The following EYS variants were observed in gnomAD, a reference collection of about 807,000 sequenced individuals.
EYS encodes protein eyes shut homolog.
In EYS, 250 loss-of-function variants were observed where a neutral mutation model predicts 282.1. The observed-to-expected ratio is 0.89, with a 90% CI of 0.80 to 0.98. EYS has a LOEUF of 0.98. EYS is among the 50% of genes least tolerant of loss of function. The pLI, the probability that EYS is intolerant of heterozygous loss-of-function variation, is 0.00. For missense variants in EYS, 4,016 were observed against 3,709.0 expected (o/e 1.08, Z -2.15); for synonymous variants, 1,355 against 1,282.9 (o/e 1.06, Z -1.20).
intron 19 of EYS, among the ~76,000 whole-genome samples, chr6:64,836,880 G>T (rs7757780): frequency 0.017 from 2,598 of 151,554 alleles, 74 homozygotes; most frequent in African/African-American, 0.059. Flanking sequence ...TCAGTGGTTT[G>T]AAAAAAGTGA....
At chr6:65,318,737 G>A (rs1182204682) in intron 11 of EYS, among the ~76,000 whole-genome samples, 3 of 150,648 alleles carry the variant, frequency 2.0e-5, no homozygotes, top group Admixed American at 6.6e-5. Context: ...CGCCTCCTGG[G>A]TTCAAGCGAT....
chr6:64,220,593 C>G (rs1224703761), intron 31 of EYS, among the ~76,000 whole-genome samples: 1 of 152,090 alleles, frequency 6.6e-6, no homozygotes, highest in Non-Finnish European at 1.5e-5. Context: ...AAGGACTCTA[C>G]AATGTTCATT....
At chr6:64,584,538 C>T (rs928162223) in intron 26 of EYS, among the ~76,000 whole-genome samples, 2 of 151,760 alleles carry the variant, frequency 1.3e-5, no homozygotes, top group Non-Finnish European at 2.9e-5. Context: ...AGAGTGCCTC[C>T]ACTGTGACTT....
intron 12 of EYS, among the ~76,000 whole-genome samples, chr6:65,287,045 G>A (rs1424002314): frequency 4.0e-5 from 6 of 151,418 alleles, no homozygotes; most frequent in Non-Finnish European, 8.9e-5. Flanking sequence ...CCCGCAGGAA[G>A]CTCAAGATCC....
In EYS at chr6:65,123,480, C is replaced by A. The variant is rs1380614066; in HGVS notation, c.2024-65753G>T. Among the ~76,000 whole-genome samples, 3 of 151,960 alleles carry A rather than the reference C, an allele frequency of 2.0e-5. No homozygotes were observed. The South Asian group carries it at 6.2e-4, about 32-fold the overall frequency. Reference sequence around the variant, plus strand: ...ATATATAAGGACACTTCCCCTTCCACCAGGAAAGCAAAGAAATAAAAGGTC... The same window carrying A: ...ATATATAAGGACACTTCCCCTTCCAACAGGAAAGCAAAGAAATAAAAGGTC... On this transcript the variant is annotated intron_variant, in intron 12 of 42. Coordinates refer to ENST00000503581, the MANE Select transcript of EYS (RefSeq NM_001142800.2).
chr6:64,799,474 A>G (rs1392131760), intron 22 of EYS, among the ~76,000 whole-genome samples: 1 of 151,828 alleles, frequency 6.6e-6, no homozygotes, highest in Non-Finnish European at 1.5e-5. Context: ...AAATATTGTA[A>G]GCTTATTCAT....
intron 35 of EYS, among the ~76,000 whole-genome samples, chr6:63,925,907 G>A (rs1764703764): frequency 6.6e-6 from 1 of 152,144 alleles, no homozygotes; most frequent in African/African-American, 2.4e-5. Flanking sequence ...GCCTCCCAAA[G>A]TGCTGAGGTT....
At chr6:65,092,822 G>C (rs1012974940) in intron 12 of EYS, among the ~76,000 whole-genome samples, 3 of 152,098 alleles carry the variant, frequency 2.0e-5, no homozygotes, top group African/African-American at 7.2e-5. Context: ...GAAAGCCTAA[G>C]GTTCTTTTGA....
chr6:64,777,781 A>G (rs1327140601), intron 22 of EYS, among the ~76,000 whole-genome samples: 2 of 152,178 alleles, frequency 1.3e-5, no homozygotes, highest in East Asian at 1.9e-4. Context: ...AAATGCTAAC[A>G]ACAACACACT....
Position 63,937,345 on chromosome 6 carries a change from C to CTTTTTTTTTTTTTTTTTTTTTTTT in EYS, c.7055+47014_7055+47037dup, listed in dbSNP as rs778809745. Among the ~76,000 whole-genome samples the CTTTTTTTTTTTTTTTTTTTTTTTT allele has an allele frequency of 3.7e-5, 2 of 54,496 alleles. 1 individual carries two copies. Among genetic ancestry groups the CTTTTTTTTTTTTTTTTTTTTTTTT allele is most frequent in the Non-Finnish European group, 7.0e-5 (2 of 28,438 alleles). The allele number at this position is 54,496 out of a possible 152,430, so 35.8% of individuals were successfully genotyped here. A position where few individuals can be genotyped will look rare whatever the true frequency, so the allele number is the denominator to read the frequency against. Reference sequence around the variant, plus strand: ...CAAATTTTCTAGGCTTCTCTCTTTTCTTTTTTTTTTTTTTTTTTTTTTTTT... The same window carrying CTTTTTTTTTTTTTTTTTTTTTTTT: ...CAAATTTTCTAGGCTTCTCTCTTTTCTTTTTTTTTTTTTTTTTTTTTTTTTTTTTTTTTTTTTTTTTTTTTTTTT... On this transcript the variant is annotated intron_variant, in intron 35 of 42. Coordinates refer to ENST00000503581, the MANE Select transcript of EYS (RefSeq NM_001142800.2).
At chr6:64,498,802 T>C (rs1399544456) in intron 26 of EYS, among the ~76,000 whole-genome samples, 1 of 152,182 alleles carries the variant, frequency 6.6e-6, no homozygotes, top group Non-Finnish European at 1.5e-5. Flanking sequence ...AAACTCATCC[T>C]TTTTTATGGT....
chr6:65,406,098 T>C (rs976529631), intron 5 of EYS, among the ~76,000 whole-genome samples: 7 of 152,122 alleles, frequency 4.6e-5, no homozygotes, highest in African/African-American at 1.7e-4. Context: ...GTCCGTTTTC[T>C]TTATTATAGT....
At chr6:63,997,289 G>A (rs1005141287) in intron 34 of EYS, among the ~76,000 whole-genome samples, 1 of 152,226 alleles carries the variant, frequency 6.6e-6, no homozygotes, top group African/African-American at 2.4e-5. Context: ...TGGAGAGAAA[G>A]GGCATGTGCC....
Position 63,720,541 on chromosome 6 carries a change from A to G in EYS, c.*55T>C. ...CCGTAAGCAATGTATCAAAGAAATAACTATCAAAATAACTGCATTTATGTA... is the reference window on the plus strand; with the variant it reads ...CCGTAAGCAATGTATCAAAGAAATAGCTATCAAAATAACTGCATTTATGTA... On this transcript the variant is annotated 3_prime_UTR_variant, in exon 43 of 43. Transcript: ENST00000503581. 7.8e-7 allele frequency: 1 copy of G among 1,281,966 alleles called. No homozygotes were observed. The highest frequency in any genetic ancestry group is 1.0e-6 in the Non-Finnish European group (1 of 953,488). The allele number at this position is 1,281,966 out of a possible 1,614,324, so 79.4% of individuals were successfully genotyped here.
At chr6:64,168,185 C>T (rs184457573) in intron 31 of EYS, among the ~76,000 whole-genome samples, 168 of 152,186 alleles carry the variant, frequency 1.1e-3, no homozygotes, top group Non-Finnish European at 1.3e-3. Context: ...GGCGTGAACC[C>T]GGGAGGGGGA....
intron 30 of EYS, among the ~76,000 whole-genome samples, chr6:64,285,683 T>C (rs926839563): frequency 5.9e-5 from 9 of 152,330 alleles, no homozygotes; most frequent in African/African-American, 1.9e-4. Flanking sequence ...AAAAGAGGTT[T>C]AATTGGACTT....
intron 31 of EYS, among the ~76,000 whole-genome samples, chr6:64,095,713 G>T (rs996838936): frequency 2.0e-5 from 3 of 152,016 alleles, no homozygotes; most frequent in East Asian, 3.9e-4. Context: ...TATCCAATTT[G>T]CCAGGCTGTG....
At chr6:64,399,267 A>G (rs1421553416) in intron 28 of EYS, among the ~76,000 whole-genome samples, 1 of 151,770 alleles carries the variant, frequency 6.6e-6, no homozygotes, top group Non-Finnish European at 1.5e-5. Context: ...ATATAAGCTC[A>G]TTATAAAATT....
intron 31 of EYS, among the ~76,000 whole-genome samples, chr6:64,130,497 G>A (rs1441626499): frequency 6.6e-6 from 1 of 151,886 alleles, no homozygotes; most frequent in Non-Finnish European, 1.5e-5. Context: ...CAGGGGGGAG[G>A]GATAACATTA....
Sources: gnomAD v4.1 joint callset for allele counts (sites outside exome capture counted in the v4.1 genomes callset) on GRCh38, gnomAD v4.1.1 for gene constraint, MANE v1.5 for transcripts, NCBI Gene and HGNC (gene_info 2026-07-23, HGNC 2026-07-21) for gene names.